Variants in MS4A12 observed in about 807,000 individuals in gnomAD.
The protein encoded by MS4A12 is membrane-spanning 4-domains subfamily A member 12.
Under a neutral mutation model 23.7 loss-of-function variants are expected in MS4A12, and 28 were observed. The observed-to-expected ratio is 1.18, with a 90% confidence interval of 0.88 to 1.62. The LOEUF is 1.62. Ranked by LOEUF, MS4A12 falls within the 40% of genes most tolerant of loss-of-function variation. MS4A12 has a pLI of 0.00. For synonymous variants in MS4A12, 108 were observed against 110.1 expected (o/e 0.98, Z 0.12); for missense variants, 342 against 327.0 (o/e 1.05, Z -0.35).
chr11:60,502,093 T>C (rs2086534895), intron 4 of MS4A12, 54 bp downstream of exon 4: 1 of 1,504,096 alleles, frequency 6.6e-7, no homozygotes, highest in Non-Finnish European at 9.1e-7. Context: ...GCTTAACATA[T>C]TGGGGAGGAA....
At chr11:60,493,473 G>A (rs1423785095) in intron 1 of MS4A12, among the ~76,000 whole-genome samples, 2 of 152,016 alleles carry the variant, frequency 1.3e-5, no homozygotes, top group African/African-American at 2.4e-5. Flanking sequence ...ACGAGGCCAT[G>A]CCCCACTGGG....
intron 1 of MS4A12, among the ~76,000 whole-genome samples, chr11:60,493,197 G>GA (rs1386891761): frequency 6.6e-6 from 1 of 151,970 alleles, no homozygotes; most frequent in Non-Finnish European, 1.5e-5. Context: ...CTAACATGGT[G>GA]AAACCCCATC....
intron 3 of MS4A12, 123 bp downstream of exon 3, chr11:60,501,305 G>T: frequency 8.9e-7 from 1 of 1,121,510 alleles, no homozygotes; most frequent in Non-Finnish European, 1.2e-6. Flanking sequence ...ACATCTGAGG[G>T]CTGGAGAATT....
rs560154139 is a variant in MS4A12, at chr11:60,496,980, C to T, written c.-6-333C>T. Among the ~76,000 whole-genome samples, 9 of 152,292 alleles carry T rather than the reference C, an allele frequency of 5.9e-5. No individual in the cohort carries two copies. The South Asian group carries it at 1.7e-3, about 28-fold the overall frequency. On this transcript the variant is annotated intron_variant, in intron 1 of 6. Coordinates refer to ENST00000016913, the MANE Select transcript of MS4A12 (RefSeq NM_017716.3). The stretch of plus-strand genomic sequence containing the variant: ...TCATAAGGAGCATGCAACCTAGATC[C>T]CCAACATGTGCAGTTCACAGTAGGG...
intron 1 of MS4A12, 80 bp from the exon 2 acceptor site, chr11:60,497,233 G>T (rs1407330341): frequency 7.0e-7 from 1 of 1,429,440 alleles, no homozygotes; most frequent in African/African-American, 1.4e-5. Context: ...ATAGATAATT[G>T]ACATTTGACA....
At chr11:60,498,280 C>T (rs887735616) in intron 2 of MS4A12, among the ~76,000 whole-genome samples, 1 of 152,224 alleles carries the variant, frequency 6.6e-6, no homozygotes, top group African/African-American at 2.4e-5. Context: ...TATTAAGTCT[C>T]TCCCTGTGAA....
At chr11:60,495,587 C>T (rs1460239373) in intron 1 of MS4A12, among the ~76,000 whole-genome samples, 2 of 152,048 alleles carry the variant, frequency 1.3e-5, no homozygotes, top group Non-Finnish European at 2.9e-5. Flanking sequence ...AATACTCAAA[C>T]TGACTCTCTA....
chr11:60,501,450 T>C (rs2086529622), intron 3 of MS4A12, among the ~76,000 whole-genome samples: 1 of 152,242 alleles, frequency 6.6e-6, no homozygotes. Context: ...TTTAATCATG[T>C]AATCAGCAAG....
chr11:60,503,685 CT>C lies in MS4A12; in HGVS notation c.472-15del, dbSNP rs1565205263. On this transcript the variant is annotated splice_polypyrimidine_tract_variant and intron_variant, in intron 4 of 6. Coordinates refer to ENST00000016913, the MANE Select transcript of MS4A12 (RefSeq NM_017716.3). ...GATCCTGTATATAATTGATTTTTTC[CT>C]GCCATCTCCATTAGGTGAAAGGCAG... 1.3e-6 allele frequency: 2 copies of C among 1,587,400 alleles called. No individual in the cohort carries two copies.
chr11:60,497,474 C>T lies in MS4A12; in HGVS notation c.156C>T (p.Tyr52=), dbSNP rs2298552. The change falls in exon 2 of 7, where the codon TAC becomes TAT. Residue 52 remains tyrosine, a synonymous_variant. Coordinates refer to ENST00000016913, the MANE Select transcript of MS4A12 (RefSeq NM_017716.3). ...AGGGTGCTCAGCGTGCTCAGCCCTA[C>T]GGCATCACATCTCCGGGAATCTTTG... ...QAQGAQRAQP[Y]GITSPGIFAS... 0.54 allele frequency: 878,331 copies of T among 1,613,800 alleles called. 240,816 individuals carry two copies. Among genetic ancestry groups the T allele is most frequent in the Admixed American group, 0.68 (40,840 of 60,012 alleles).
chr11:60,502,735 G>A (rs906579878), intron 4 of MS4A12, among the ~76,000 whole-genome samples: 2 of 152,016 alleles, frequency 1.3e-5, no homozygotes, highest in Non-Finnish European at 2.9e-5. Flanking sequence ...CGGGGAAAGA[G>A]GAACACAGAA....
At chr11:60,494,851 A>G (rs528041239) in intron 1 of MS4A12, among the ~76,000 whole-genome samples, 1 of 152,312 alleles carries the variant, frequency 6.6e-6, no homozygotes, top group East Asian at 1.9e-4. Context: ...ATATTTGGCC[A>G]CCGAAACCAG....
At chr11:60,500,272 A>AG (rs1565204356) in intron 2 of MS4A12, among the ~76,000 whole-genome samples, 1 of 151,448 alleles carries the variant, frequency 6.6e-6, no homozygotes, top group Non-Finnish European at 1.5e-5. Flanking sequence ...AAAAAAAAAA[A>AG]CAATATAAAT....
intron 1 of MS4A12, among the ~76,000 whole-genome samples, chr11:60,495,379 C>T (rs1395486402): frequency 1.3e-5 from 2 of 150,818 alleles, no homozygotes; most frequent in Non-Finnish European, 2.9e-5. Flanking sequence ...CATCTAGTAT[C>T]GGAGGGTAAG....
chr11:60,505,328 A>G (rs772657852), intron 5 of MS4A12, among the ~76,000 whole-genome samples: 14 of 152,264 alleles, frequency 9.2e-5, no homozygotes, highest in South Asian at 4.2e-4. Context: ...CCATAATTCA[A>G]TCATCTCCCA....
At chr11:60,502,749 T>C (rs1005849309) in intron 4 of MS4A12, among the ~76,000 whole-genome samples, 5 of 152,184 alleles carry the variant, frequency 3.3e-5, no homozygotes, top group Non-Finnish European at 7.3e-5. Context: ...CACAGAATCA[T>C]GTAGCTCATG....
At chr11:60,497,005 G>A (rs149762037) in intron 1 of MS4A12, among the ~76,000 whole-genome samples, 1 of 152,182 alleles carries the variant, frequency 6.6e-6, no homozygotes, top group Non-Finnish European at 1.5e-5. Context: ...TCACAGTAGG[G>A]TTCATGCTGC....
chr11:60,506,938 T>C (rs1472803430), intron 6 of MS4A12, 82 bp from the exon 7 acceptor site: 6 of 1,521,988 alleles, frequency 3.9e-6, no homozygotes, highest in Non-Finnish European at 5.5e-6. Context: ...AGAATGCTCT[T>C]TGTCCTTCAC....
At chr11:60,497,828 T>C in intron 2 of MS4A12, 2 of 488,374 alleles carry the variant, frequency 4.1e-6, no homozygotes, top group Non-Finnish European at 3.6e-6. Context: ...TTTGGTAATA[T>C]TGACGTGACA....
Sources: allele counts gnomAD v4.1 joint callset (sites outside exome capture counted in the v4.1 genomes callset), GRCh38; gene constraint gnomAD v4.1.1; transcripts MANE v1.5; gene names NCBI Gene and HGNC (gene_info 2026-07-23, HGNC 2026-07-21).